The following LHFPL6 variants were observed in gnomAD, a reference collection of about 807,000 sequenced individuals.
LHFPL6 encodes LHFPL tetraspan subfamily member 6 protein.
Under a neutral mutation model 20.6 loss-of-function variants are expected in LHFPL6, and 9 were observed. The observed-to-expected ratio is 0.44, with a 90% confidence interval of 0.26 to 0.76. The LOEUF (loss-of-function observed/expected upper bound fraction) is 0.76. Among genes scored for constraint, LHFPL6 ranks in the 30% least tolerant of loss-of-function variants. The pLI is 0.20. For missense variants in LHFPL6, 218 were observed against 253.5 expected, an observed-to-expected ratio of 0.86 and a Z score of 0.95; for synonymous variants, 105 against 98.7, an observed-to-expected ratio of 1.06 and a Z score of -0.38.
At chr13:39,419,484 A>G (rs1163366447) in intron 2 of LHFPL6, among the ~76,000 whole-genome samples, 2 of 152,256 alleles carry the variant, frequency 1.3e-5, no homozygotes, top group Non-Finnish European at 2.9e-5. Flanking sequence ...CAAAAAGTGA[A>G]AAGCTTTATA....
chr13:39,524,011 A>G lies in LHFPL6; in HGVS notation c.385+76821T>C, dbSNP rs546699237. Among the ~76,000 whole-genome samples the G allele has an allele frequency of 6.6e-5, 10 of 152,302 alleles. No individual in the cohort carries two copies. The East Asian group carries it at 1.7e-3, about 26-fold the overall frequency. ...AGGAAAAGATGGCAGAGTACCAATA[A>G]AAGATAATGAAAAGCAATGCCCAAT... is the stretch of plus-strand genomic sequence containing the variant. On this transcript the variant is annotated intron_variant, in intron 2 of 3. Coordinates refer to ENST00000379589, the MANE Select transcript of LHFPL6 (RefSeq NM_005780.3).
At chr13:39,416,792 T>C (rs1409957795) in intron 2 of LHFPL6, among the ~76,000 whole-genome samples, 1 of 152,202 alleles carries the variant, frequency 6.6e-6, no homozygotes, top group Non-Finnish European at 1.5e-5. Context: ...AATTTGTAAA[T>C]GGCATGCAAA....
intron 2 of LHFPL6, among the ~76,000 whole-genome samples, chr13:39,569,349 A>G (rs1027670964): frequency 6.6e-6 from 1 of 152,204 alleles, no homozygotes; most frequent in African/African-American, 2.4e-5. Context: ...ATTAATGATG[A>G]CAAGGACTTC....
chr13:39,398,250 T>TA (rs1566102246), intron 2 of LHFPL6, among the ~76,000 whole-genome samples: 1 of 152,196 alleles, frequency 6.6e-6, no homozygotes, highest in Non-Finnish European at 1.5e-5. Context: ...AACAAAATTT[T>TA]AAAAAATTGT....
chr13:39,430,876 T>C (rs955991889), intron 2 of LHFPL6, among the ~76,000 whole-genome samples: 2 of 152,196 alleles, frequency 1.3e-5, no homozygotes, highest in Non-Finnish European at 2.9e-5. Flanking sequence ...AAACTGGTTA[T>C]CCAAGCCAGC....
At chr13:39,561,787 T>G (rs1252150102) in intron 2 of LHFPL6, among the ~76,000 whole-genome samples, 1 of 152,204 alleles carries the variant, frequency 6.6e-6, no homozygotes, top group Non-Finnish European at 1.5e-5. Context: ...TTCTCAGAAC[T>G]TACCCCAGGG....
intron 2 of LHFPL6, among the ~76,000 whole-genome samples, chr13:39,498,842 T>C (rs1215672958): frequency 2.6e-5 from 4 of 152,286 alleles, no homozygotes; most frequent in East Asian, 1.9e-4. Flanking sequence ...TTGTGAGGCT[T>C]TGCCTTTTCC....
chr13:39,572,639 G>A (rs974826845), intron 2 of LHFPL6, among the ~76,000 whole-genome samples: 2 of 152,148 alleles, frequency 1.3e-5, no homozygotes, highest in Non-Finnish European at 2.9e-5. Context: ...ACTAAAATGT[G>A]TTGGCGGTTC....
intron 2 of LHFPL6, among the ~76,000 whole-genome samples, chr13:39,485,973 GTAT>G (rs1189532948): frequency 6.6e-6 from 1 of 152,114 alleles, no homozygotes; most frequent in Non-Finnish European, 1.5e-5. Context: ...TCCAAGATAA[GTAT>G]TATCATTCGC....
At chr13:39,449,928 T>C (rs921119746) in intron 2 of LHFPL6, among the ~76,000 whole-genome samples, 1 of 152,150 alleles carries the variant, frequency 6.6e-6, no homozygotes, top group African/African-American at 2.4e-5. Flanking sequence ...CTTCTTCTTA[T>C]AACATCTCCT....
chr13:39,501,304 G>A (rs1264225630), intron 2 of LHFPL6, among the ~76,000 whole-genome samples: 1 of 152,166 alleles, frequency 6.6e-6, no homozygotes, highest in Non-Finnish European at 1.5e-5. Context: ...TATAGTGCCA[G>A]CCTCTCACGC....
intron 2 of LHFPL6, among the ~76,000 whole-genome samples, chr13:39,445,618 T>TAA (rs1872266179): frequency 6.6e-6 from 1 of 152,360 alleles, no homozygotes; most frequent in Admixed American, 6.5e-5. Flanking sequence ...GGTGGTTATC[T>TAA]AATGTTTGCT....
intron 2 of LHFPL6, among the ~76,000 whole-genome samples, chr13:39,435,654 A>G (rs1871938175): frequency 6.6e-6 from 1 of 152,224 alleles, no homozygotes; most frequent in African/African-American, 2.4e-5. Context: ...TACTACATAC[A>G]TAGACAGCGA....
intron 2 of LHFPL6, among the ~76,000 whole-genome samples, chr13:39,407,338 G>C (rs1871135633): frequency 6.6e-6 from 1 of 152,138 alleles, no homozygotes; most frequent in Non-Finnish European, 1.5e-5. Context: ...GCCCTTCTGA[G>C]TACCCCCACC....
intron 2 of LHFPL6, among the ~76,000 whole-genome samples, chr13:39,425,720 A>C (rs1871618962): frequency 6.6e-6 from 1 of 152,132 alleles, no homozygotes; most frequent in African/African-American, 2.4e-5. Context: ...CTAATGGATT[A>C]TTTTATTATG....
chr13:39,512,029 G>A (rs1869724282), intron 2 of LHFPL6, among the ~76,000 whole-genome samples: 1 of 152,120 alleles, frequency 6.6e-6, no homozygotes, highest in African/African-American at 2.4e-5. Flanking sequence ...TTAACACCTA[G>A]AATTTTCTGG....
At chr13:39,410,485 T>C (rs1413101022) in intron 2 of LHFPL6, among the ~76,000 whole-genome samples, 1 of 152,090 alleles carries the variant, frequency 6.6e-6, no homozygotes, top group Non-Finnish European at 1.5e-5. Flanking sequence ...AGAAGTGAAC[T>C]CTCCATCTAG....
intron 2 of LHFPL6, among the ~76,000 whole-genome samples, chr13:39,480,424 C>G (rs1053761878): frequency 1.2e-4 from 18 of 152,122 alleles, no homozygotes; most frequent in African/African-American, 3.9e-4. Flanking sequence ...TCAACTGGCC[C>G]TGTCATTTGT....
chr13:39,554,709 G>A lies in LHFPL6; in HGVS notation c.385+46123C>T, dbSNP rs1399182822. ...TTCAACTACTGACAACTTTCTGACT[G>A]TCTTCTCCAATAGGCGTGTGTCCCC... On this transcript the variant is annotated intron_variant, in intron 2 of 3. Transcript: ENST00000379589. 4.6e-5 allele frequency among the ~76,000 whole-genome samples: 7 copies of A among 152,202 alleles called. No individual in the cohort carries two copies. The East Asian group carries it at 9.6e-4, about 21-fold the overall frequency.
Sources: allele counts gnomAD v4.1 joint callset (sites outside exome capture counted in the v4.1 genomes callset), GRCh38; gene constraint gnomAD v4.1.1; transcripts MANE v1.5; gene names NCBI Gene and HGNC (gene_info 2026-07-23, HGNC 2026-07-21).